Variants in SOX5 observed in about 807,000 individuals in gnomAD.
SOX5 encodes the protein transcription factor SOX-5.
SOX5 carries 9 observed loss-of-function variants against 92.0 expected under a neutral mutation model. The ratio of observed to expected loss-of-function variants is 0.10; its 90% CI spans 0.06 to 0.17. SOX5 has a LOEUF of 0.17. SOX5 is among the 10% of genes least tolerant of loss of function. SOX5 has a pLI of 1.00. For missense variants in SOX5, 642 were observed against 944.5 expected, an observed-to-expected ratio of 0.68 and a Z score of 4.20; for synonymous variants, 344 against 336.3, an observed-to-expected ratio of 1.02 and a Z score of -0.25.
At chr12:23,949,815 C>T (rs1162642039), upstream of SOX5, 6 of 438,292 alleles carry the variant, frequency 1.4e-5, no homozygotes, top group Admixed American at 1.3e-4. Flanking sequence ...TCCTTCCCCT[C>T]CTCTCTCTCC....
intron 4 of SOX5, among the ~76,000 whole-genome samples, chr12:24,201,740 G>A (rs903229212): frequency 1.3e-5 from 2 of 152,128 alleles, no homozygotes; most frequent in Non-Finnish European, 2.9e-5. Context: ...AGCTTTGGGA[G>A]GTGTGAGTCA....
intron 1 of SOX5, among the ~76,000 whole-genome samples, chr12:24,466,284 C>T (rs1944229054): frequency 6.6e-6 from 1 of 151,610 alleles, no homozygotes. Context: ...GCTGTATAGC[C>T]CAGGCTGCTG....
intron 4 of SOX5, among the ~76,000 whole-genome samples, chr12:24,199,736 C>G (rs1358214368): frequency 6.6e-6 from 1 of 152,054 alleles, no homozygotes; most frequent in Non-Finnish European, 1.5e-5. Context: ...AATTCAATTC[C>G]TGCCTGCCAG....
intron 1 of SOX5, among the ~76,000 whole-genome samples, chr12:24,462,074 C>T (rs1943697601): frequency 1.3e-5 from 2 of 152,216 alleles, no homozygotes; most frequent in Admixed American, 1.3e-4. Context: ...AACAGGGATG[C>T]ATTCTGAGAA....
At chr12:23,802,022 T>G (rs1057271353) in intron 3 of SOX5, among the ~76,000 whole-genome samples, 6 of 152,152 alleles carry the variant, frequency 3.9e-5, no homozygotes, top group Non-Finnish European at 8.8e-5. Context: ...ATTAAAAATA[T>G]TACACGTAGA....
intron 1 of SOX5, among the ~76,000 whole-genome samples, chr12:24,409,092 T>C (rs1005783932): frequency 6.6e-6 from 1 of 152,132 alleles, no homozygotes; most frequent in African/African-American, 2.4e-5. Context: ...CCATCAATGA[T>C]AGACTGGATA....
chr12:24,169,126 G>C (rs962881323), intron 4 of SOX5, among the ~76,000 whole-genome samples: 3 of 152,022 alleles, frequency 2.0e-5, no homozygotes, highest in East Asian at 3.9e-4. Flanking sequence ...AAAAATGAAG[G>C]ATCTCTTAGG....
At chr12:24,548,039 T>C (rs1412681642) in intron 1 of SOX5, among the ~76,000 whole-genome samples, 2 of 152,222 alleles carry the variant, frequency 1.3e-5, no homozygotes, top group Non-Finnish European at 2.9e-5. Context: ...GCCGGAGATT[T>C]TTTTAAGTAC....
intron 3 of SOX5, among the ~76,000 whole-genome samples, chr12:23,822,662 C>A (rs981813058): frequency 3.3e-5 from 5 of 152,230 alleles, no homozygotes; most frequent in Middle Eastern, 3.4e-3. Context: ...AAGTTCAACT[C>A]CTGAATATAC....
intron 1 of SOX5, among the ~76,000 whole-genome samples, chr12:24,503,424 T>C (rs1485916648): frequency 3.3e-5 from 5 of 152,174 alleles, no homozygotes; most frequent in Admixed American, 2.0e-4. Flanking sequence ...AAAAGGATAG[T>C]GTGAGGAATT....
At chr12:23,723,867 T>C (rs1390786005) in intron 6 of SOX5, among the ~76,000 whole-genome samples, 1 of 152,070 alleles carries the variant, frequency 6.6e-6, no homozygotes, top group Non-Finnish European at 1.5e-5. Flanking sequence ...ATCTACTATG[T>C]AGATATAAGT....
At chr12:23,897,113 T>C (rs1324785549) in intron 1 of SOX5, among the ~76,000 whole-genome samples, 1 of 152,180 alleles carries the variant, frequency 6.6e-6, no homozygotes, top group Non-Finnish European at 1.5e-5. Flanking sequence ...TGTTATTTTT[T>C]GTTCAACAAA....
chr12:23,706,730 C>A (rs1264599781), intron 6 of SOX5, among the ~76,000 whole-genome samples: 1 of 151,832 alleles, frequency 6.6e-6, no homozygotes, highest in East Asian at 1.9e-4. Context: ...GTTAAAAATT[C>A]TCTATTTTAA....
intron 1 of SOX5, among the ~76,000 whole-genome samples, chr12:24,481,023 T>A (rs1042519632): frequency 2.0e-5 from 3 of 152,074 alleles, no homozygotes; most frequent in Non-Finnish European, 4.4e-5. Context: ...CATCTACAGA[T>A]AAATGAACAA....
intron 1 of SOX5, among the ~76,000 whole-genome samples, chr12:23,946,419 G>C (rs1944599096): frequency 6.6e-6 from 1 of 151,850 alleles, no homozygotes; most frequent in Non-Finnish European, 1.5e-5. Flanking sequence ...AAAGAGGACA[G>C]ATAAAATTAA....
chr12:23,912,486 T>TAA, intron 1 of SOX5, among the ~76,000 whole-genome samples: 1 of 152,110 alleles, frequency 6.6e-6, no homozygotes, highest in Non-Finnish European at 1.5e-5. Context: ...CCCTCCTTGG[T>TAA]AAATACCCAA....
chr12:23,631,680 T>C (rs1327674355), intron 8 of SOX5, among the ~76,000 whole-genome samples: 2 of 152,098 alleles, frequency 1.3e-5, no homozygotes, highest in Non-Finnish European at 2.9e-5. Context: ...ATAGCTTTAG[T>C]ATAGGTAATA....
chr12:24,529,290 A>G (rs937900911), intron 1 of SOX5, among the ~76,000 whole-genome samples: 1 of 152,238 alleles, frequency 6.6e-6, no homozygotes, highest in Admixed American at 6.5e-5. Flanking sequence ...ACTTTACCAC[A>G]TCGGGTTTTT....
intron 1 of SOX5, among the ~76,000 whole-genome samples, chr12:24,487,917 C>T (rs1040798508): frequency 5.3e-5 from 8 of 152,066 alleles, no homozygotes; most frequent in Non-Finnish European, 1.2e-4. Flanking sequence ...GGATTCAGTA[C>T]GTTTCAAACC....
Sources: gnomAD v4.1 joint callset for allele counts (sites outside exome capture counted in the v4.1 genomes callset) on GRCh38, gnomAD v4.1.1 for gene constraint, MANE v1.5 for transcripts, NCBI Gene and HGNC (gene_info 2026-07-23, HGNC 2026-07-21) for gene names.